Variants in MYO15A observed in about 807,000 individuals in gnomAD.
MYO15A encodes myosin XVA, also known as unconventional myosin-XV.
A neutral mutation model predicts 394.6 loss-of-function variants in MYO15A; 308 were observed. The ratio of observed to expected loss-of-function variants is 0.78; its 90% CI spans 0.71 to 0.86. The LOEUF (loss-of-function observed/expected upper bound fraction) is 0.86. Ranked by LOEUF, MYO15A falls within the 40% of genes least tolerant of loss-of-function variation. MYO15A has a pLI of 0.00. For synonymous variants in MYO15A, 1,957 were observed against 2,003.8 expected, an observed-to-expected ratio of 0.98 and a Z score of 0.62; for missense variants, 4,606 against 4,799.1, an observed-to-expected ratio of 0.96 and a Z score of 1.19.
chr17:18,148,120 G>T lies in MYO15A; in HGVS notation c.6601G>T (p.Gly2201Trp), dbSNP rs1233040127. The change falls in exon 31 of 66, where the codon GGG becomes TGG. Residue 2201 changes from glycine to tryptophan, a missense_variant. This residue lies in a region of MYO15A where 2,776 missense variants were observed against 3,109.3 expected (regional missense o/e 0.89). Coordinates refer to ENST00000647165, the MANE Select transcript of MYO15A (RefSeq NM_016239.4). The surrounding 1 kb of genome is among the most constrained non-coding windows in gnomAD (Gnocchi z 4.8). The part of the protein sequence containing the change: ...AMGRAQQQGS[G>W]AARTLPPTQL... ...GGGCCGGGCCCAACAGCAGGGCTCG[G>T]GGGCTGCCCGCACCTTACCCCCGAC... 1 of 1,613,848 alleles carries T rather than the reference G, an allele frequency of 6.2e-7. No homozygotes were observed. The highest frequency in any genetic ancestry group is 1.3e-5 in the African/African-American group (1 of 75,068).
rs1260520422 is a variant in MYO15A, at chr17:18,120,891, C to T, written c.2091C>T (p.Leu697=). Residue 697 remains leucine, a synonymous_variant, in exon 2 of 66, where the codon CTC becomes CTT. Coordinates refer to ENST00000647165, the MANE Select transcript of MYO15A (RefSeq NM_016239.4). ...LPRPASPYGS[L]RRHPPPWAAP... Reference sequence around the variant, plus strand: ...GGCCGGCCTCGCCCTACGGCTCCCTCCGCCGCCACCCGCCGCCCTGGGCCG... The same window carrying T: ...GGCCGGCCTCGCCCTACGGCTCCCTTCGCCGCCACCCGCCGCCCTGGGCCG... The T allele has an allele frequency of 5.8e-6, 8 of 1,380,306 alleles. No individual in the cohort carries two copies. Among genetic ancestry groups the T allele is most frequent in the Admixed American group, 3.0e-5 (1 of 33,104 alleles). 85.5% of individuals were successfully genotyped at this position (1,380,306 alleles called of 1,614,324 possible).
chr17:18,141,961 A>G, intron 23 of MYO15A, 118 bp from the exon 24 acceptor site: 1 of 1,364,116 alleles, frequency 7.3e-7, no homozygotes, highest in South Asian at 1.2e-5. Context: ...CCATCCCTCC[A>G]GCCCCGCTCC....
intron 65 of MYO15A, chr17:18,178,326 C>T (rs1404701253): frequency 2.8e-5 from 8 of 288,664 alleles, no homozygotes; most frequent in South Asian, 1.3e-4. Flanking sequence ...GCCGAGATCG[C>T]GCCATTGCAC....
intron 15 of MYO15A, 46 bp from the exon 16 acceptor site, chr17:18,137,538 G>A (rs749761540): frequency 1.3e-6 from 2 of 1,581,192 alleles, no homozygotes; most frequent in Non-Finnish European, 1.7e-6. Context: ...CAAACAGGCT[G>A]GTGGCCAAGG....
chr17:18,158,367 T>G lies in MYO15A; in HGVS notation c.8968-156T>G, dbSNP rs190655277. Reference sequence around the variant, plus strand: ...AAAAGGCGTGGGCGGGCTGAAGGGGTAAGAACAACGGGATGCGGGTGGGTC... The same window carrying G: ...AAAAGGCGTGGGCGGGCTGAAGGGGGAAGAACAACGGGATGCGGGTGGGTC... On this transcript the variant is annotated intron_variant, in intron 51 of 65. Transcript: ENST00000647165. 270 of 543,680 alleles carry G rather than the reference T, an allele frequency of 5.0e-4. No individual in the cohort carries two copies. The African/African-American group carries it at 8.8e-3, about 18-fold the overall frequency. The allele number at this position is 543,680 out of a possible 1,614,324, so 33.7% of individuals were successfully genotyped here.
At chr17:18,162,868 C>A (rs1321081781) in intron 58 of MYO15A, among the ~76,000 whole-genome samples, 189 bp downstream of exon 58, 1 of 152,150 alleles carries the variant, frequency 6.6e-6, no homozygotes, top group Admixed American at 6.5e-5. Flanking sequence ...GGCATGGTGG[C>A]AGGCACCTGT....
At chr17:18,144,948 T>G (rs2046450752) in intron 29 of MYO15A, among the ~76,000 whole-genome samples, 1 of 151,786 alleles carries the variant, frequency 6.6e-6, no homozygotes, top group South Asian at 2.1e-4. Flanking sequence ...AAGCACCAAG[T>G]CTGGGGAGTC....
intron 5 of MYO15A, 69 bp from the exon 6 acceptor site, chr17:18,126,722 C>A (rs1597769456): frequency 6.6e-7 from 1 of 1,519,484 alleles, no homozygotes; most frequent in Non-Finnish European, 9.1e-7. Flanking sequence ...TACGGATGCT[C>A]CCTGCCCAAT....
Position 18,178,952 on chromosome 17 carries a change from A to G in MYO15A, c.*82A>G, listed in dbSNP as rs544142747. On this transcript the variant is annotated 3_prime_UTR_variant, in exon 66 of 66. Coordinates refer to ENST00000647165, the MANE Select transcript of MYO15A (RefSeq NM_016239.4). ...GAAATCACTGAACCTCTCAGGATCA[A>G]TGACCCCTGTAAGGGGCCAGAGCCT... 8.6e-6 allele frequency: 12 copies of G among 1,399,290 alleles called. No homozygotes were observed. The African/African-American group carries it at 1.1e-4, about 13-fold the overall frequency. The allele number at this position is 1,399,290 out of a possible 1,614,324, so 86.7% of individuals were successfully genotyped here. A position where few individuals can be genotyped will look rare whatever the true frequency, so the allele number is the denominator to read the frequency against.
In MYO15A at chr17:18,117,172, G is replaced by A. The variant is rs1191977283; in HGVS notation, c.-219-1410G>A. On this transcript the variant is annotated intron_variant, in intron 1 of 65. Transcript: ENST00000647165. This position sits in a 1 kb window ranked among gnomAD's most constrained non-coding sequence, Gnocchi z 4.1. ...GCACCAGGCACCAACAGCCCCTGGT[G>A]CAACTCCTCTGAGTGGCTGGGCACT... Among the ~76,000 whole-genome samples the A allele has an allele frequency of 1.3e-5, 2 of 152,180 alleles. No individual in the cohort carries two copies. Among genetic ancestry groups the A allele is most frequent in the Non-Finnish European group, 2.9e-5 (2 of 68,030 alleles).
chr17:18,167,773 C>T, intron 62 of MYO15A, 50 bp downstream of exon 62: 1 of 1,598,470 alleles, frequency 6.3e-7, no homozygotes, highest in Non-Finnish European at 8.5e-7. Flanking sequence ...CAACCCTGCC[C>T]TCTCAGCCCA....
Position 18,148,479 on chromosome 17 carries a change from C to T in MYO15A, c.6692-17C>T. On this transcript the variant is annotated splice_polypyrimidine_tract_variant and intron_variant, in intron 31 of 65. Transcript: ENST00000647165. The surrounding 1 kb of genome is among the most constrained non-coding windows in gnomAD (Gnocchi z 4.8). ...CTCAGATGCTCCAACCTGAGCCCGG[C>T]ACCTGCTGCGCCCCAGGTGACCAGT... 1 of 1,551,782 alleles carries T rather than the reference C, an allele frequency of 6.4e-7. No individual in the cohort carries two copies. Among genetic ancestry groups the T allele is most frequent in the African/African-American group, 1.4e-5 (1 of 73,138 alleles).
intron 1 of MYO15A, among the ~76,000 whole-genome samples, chr17:18,114,711 C>T (rs914800657): frequency 3.3e-5 from 5 of 152,186 alleles, no homozygotes; most frequent in African/African-American, 4.8e-5. Flanking sequence ...TCTGTCATAG[C>T]GGTCCCATCT....
intron 23 of MYO15A, 35 bp downstream of exon 23, chr17:18,141,805 C>T (rs752292375): frequency 1.2e-6 from 2 of 1,605,744 alleles, no homozygotes; most frequent in Non-Finnish European, 1.7e-6. Context: ...CTTGGAGACC[C>T]CAAGTTTGGG....
intron 1 of MYO15A, among the ~76,000 whole-genome samples, chr17:18,111,122 C>CG (rs1372170583): frequency 6.6e-6 from 1 of 152,094 alleles, no homozygotes; most frequent in Non-Finnish European, 1.5e-5. Context: ...GAATATTGCC[C>CG]GGGGGCAAGG....
At position 18,119,753 on chromosome 17, in the gene MYO15A, C is replaced by A. The variant is rs1216140185; in HGVS notation, c.953C>A (p.Pro318His). The A allele has an allele frequency of 6.2e-7, 1 of 1,612,750 alleles. No individual in the cohort carries two copies. Among genetic ancestry groups the A allele is most frequent in the Non-Finnish European group, 8.5e-7 (1 of 1,179,992 alleles). The change falls in exon 2 of 66, where the codon CCC becomes CAC. Residue 318 changes from proline (P) to histidine (H), a missense_variant. Physicochemically the swap from Pro to His is moderately conservative, Grantham distance 77 (BLOSUM62 -2). Coordinates refer to ENST00000647165, the MANE Select transcript of MYO15A (RefSeq NM_016239.4). The part of the protein sequence containing the change: ...GYDDYEPPYA[P>H]PSGYSSPYSY... ...GACGATTACGAACCCCCATATGCGC[C>A]CCCGTCGGGGTACTCGTCTCCTTAC... is the stretch of plus-strand genomic sequence containing the variant.
intron 59 of MYO15A, 104 bp from the exon 60 acceptor site, chr17:18,163,638 G>C: frequency 9.5e-7 from 1 of 1,050,202 alleles, no homozygotes; most frequent in Non-Finnish European, 1.4e-6. Context: ...TTTGTGAAGA[G>C]GGCTGAGGAA....
At chr17:18,115,984 C>T (rs1056887322) in intron 1 of MYO15A, among the ~76,000 whole-genome samples, 1 of 152,238 alleles carries the variant, frequency 6.6e-6, no homozygotes, top group Admixed American at 6.5e-5. Flanking sequence ...TCTCCACCCA[C>T]ATATGGTAAC....
Position 18,159,944 on chromosome 17 carries a change from G to A in MYO15A, c.9313G>A (p.Asp3105Asn). The A allele has an allele frequency of 6.2e-7, 1 of 1,614,082 alleles. No individual in the cohort carries two copies. Among genetic ancestry groups the A allele is most frequent in the Non-Finnish European group, 8.5e-7 (1 of 1,179,986 alleles). Residue 3105 changes from aspartate (D) to asparagine (N), a missense_variant, in exon 56 of 66, where the codon GAC (aspartate) becomes AAC (asparagine). Asp to Asn is a conservative substitution (Grantham distance 23). Transcript: ENST00000647165. ...CCCTGCCCCCCTTCAGCTGTGCGGG[G>A]ACCATGAGGTCATGCGGGATGAATG... ...VLCNLLKLCG[D>N]HEVMRDECYC...
Sources: allele counts gnomAD v4.1 joint callset (sites outside exome capture counted in the v4.1 genomes callset), GRCh38; gene constraint gnomAD v4.1.1; regional missense constraint gnomAD v4.1.1; non-coding constraint Gnocchi (gnomAD v3.1); transcripts MANE v1.5; gene names NCBI Gene and HGNC (gene_info 2026-07-23, HGNC 2026-07-21).